Variants in BEND7 observed in about 807,000 individuals in gnomAD.
BEND7 encodes BEN domain-containing protein 7.
Under a neutral mutation model 50.9 loss-of-function variants are expected in BEND7, and 28 were observed. That is an observed-to-expected ratio of 0.55 (90% CI 0.41 to 0.75). The LOEUF is 0.75. Among genes scored for constraint, BEND7 ranks in the 30% least tolerant of loss-of-function variants. The pLI is 0.00. For missense variants in BEND7, 477 were observed against 491.3 expected, an observed-to-expected ratio of 0.97 and a Z score of 0.28; for synonymous variants, 170 against 183.9, an observed-to-expected ratio of 0.92 and a Z score of 0.61.
In BEND7 at chr10:13,441,457, G is replaced by GT; in HGVS notation, c.*285_*286insA. On this transcript the variant is annotated 3_prime_UTR_variant, in exon 9 of 9. Transcript: ENST00000466271. ...AGATCCGTTCATCGCACACATCTTTGGGTTGAACAAGCTCCACCCGTCCTC... is the reference window on the plus strand; with the variant it reads ...AGATCCGTTCATCGCACACATCTTTGTGGTTGAACAAGCTCCACCCGTCCTC... The GT allele has an allele frequency of 8.7e-7, 1 of 1,145,446 alleles. No individual in the cohort carries two copies. The highest frequency in any genetic ancestry group is 1.1e-6 in the Non-Finnish European group (1 of 944,640). The allele number at this position is 1,145,446 out of a possible 1,614,324, so 71.0% of individuals were successfully genotyped here.
chr10:13,478,308 G>A (rs2131664894), intron 6 of BEND7, among the ~76,000 whole-genome samples: 1 of 152,320 alleles, frequency 6.6e-6, no homozygotes, highest in East Asian at 1.9e-4. Context: ...AGATAAGGGA[G>A]TTCAGAGAGA....
In BEND7 at chr10:13,509,863, G is replaced by C. The variant is rs1266753530; in HGVS notation, c.146-9783C>G. ...TCAAAGTGACAGGAGATCAATGAAG[G>C]TTTTTGTAAGAGCGATAGGACACAG... On this transcript the variant is annotated intron_variant, in intron 2 of 8. Transcript: ENST00000466271. Among the ~76,000 whole-genome samples the C allele has an allele frequency of 2.0e-5, 3 of 152,182 alleles. No individual in the cohort carries two copies. In the East Asian group the frequency reaches 5.8e-4, roughly 29 times the overall value.
chr10:13,516,588 T>A (rs954135320), intron 2 of BEND7, among the ~76,000 whole-genome samples: 14 of 152,186 alleles, frequency 9.2e-5, no homozygotes, highest in Admixed American at 8.5e-4. Context: ...TAGCCAGGCG[T>A]GGTGGCACGT....
intron 6 of BEND7, among the ~76,000 whole-genome samples, chr10:13,473,369 T>C (rs2075093762): frequency 6.7e-6 from 1 of 150,068 alleles, no homozygotes; most frequent in Non-Finnish European, 1.5e-5. Context: ...GATATCGTCA[T>C]CGCTGTGAGA....
chr10:13,474,628 C>G (rs368814196), intron 6 of BEND7, among the ~76,000 whole-genome samples: 288 of 151,802 alleles, frequency 1.9e-3, no homozygotes, highest in Non-Finnish European at 2.8e-3. Context: ...CCCGTCATCG[C>G]TGTTGGACTC....
intron 7 of BEND7, among the ~76,000 whole-genome samples, chr10:13,447,695 C>T (rs1375984209): frequency 6.6e-6 from 1 of 151,946 alleles, no homozygotes; most frequent in African/African-American, 2.4e-5. Context: ...AGGCGCCCGC[C>T]ACCACGCCTG....
chr10:13,527,705 G>A (rs2079521054), intron 1 of BEND7: 1 of 346,450 alleles, frequency 2.9e-6, no homozygotes, highest in Non-Finnish European at 4.1e-6. Context: ...TTTCACGATG[G>A]CTCTTGAGTT....
At position 13,463,939 on chromosome 10, in the gene BEND7, G is replaced by A. The variant is rs569347229; in HGVS notation, c.1064-11281C>T. Among the ~76,000 whole-genome samples, 29 of 152,350 alleles carry A rather than the reference G, an allele frequency of 1.9e-4. 2 individuals carry two copies. The highest frequency in any genetic ancestry group is 1.6e-3 in the Admixed American group (25 of 15,306). On this transcript the variant is annotated intron_variant, in intron 6 of 8. Transcript: ENST00000466271. The stretch of plus-strand genomic sequence containing the variant: ...TAAATAATGACAAATAGGAAAGGAT[G>A]CAGAACTTCATTAGTGATCAGAGAT...
At chr10:13,453,009 TAA>T (rs1180597070) in intron 6 of BEND7, among the ~76,000 whole-genome samples, 4 of 152,230 alleles carry the variant, frequency 2.6e-5, no homozygotes, top group Non-Finnish European at 5.9e-5. Context: ...GCAAACGTAT[TAA>T]AAGAGTTCAC....
chr10:13,498,845 A>G (rs1434205647), intron 3 of BEND7, among the ~76,000 whole-genome samples: 1 of 152,132 alleles, frequency 6.6e-6, no homozygotes, highest in East Asian at 1.9e-4. Flanking sequence ...ACACCCATAC[A>G]TTTCTGGGGT....
At chr10:13,482,764 G>A (rs1252959285) in intron 5 of BEND7, among the ~76,000 whole-genome samples, 1 of 152,174 alleles carries the variant, frequency 6.6e-6, no homozygotes, top group Non-Finnish European at 1.5e-5. Context: ...CTTAACTTCT[G>A]CATCTTGCTG....
chr10:13,480,170 A>C (rs1254832618), intron 6 of BEND7, among the ~76,000 whole-genome samples: 2 of 152,230 alleles, frequency 1.3e-5, no homozygotes, highest in African/African-American at 2.4e-5. Context: ...AGTTACACTC[A>C]TCAGATTGCT....
At chr10:13,520,181 T>C (rs533608517) in intron 2 of BEND7, among the ~76,000 whole-genome samples, 9 of 152,030 alleles carry the variant, frequency 5.9e-5, no homozygotes, top group Non-Finnish European at 1.2e-4. Context: ...ATTTTTCTCA[T>C]ATAAAAGTAG....
At position 13,456,118 on chromosome 10, in the gene BEND7, C is replaced by T. The variant is rs547602604; in HGVS notation, c.1064-3460G>A. Among the ~76,000 whole-genome samples, 27 of 152,262 alleles carry T rather than the reference C, an allele frequency of 1.8e-4. No individual in the cohort carries two copies. The South Asian group carries it at 3.1e-3, about 18-fold the overall frequency. ...ACCGGGCATGAATGAACTCACCTCT[C>T]TACTCCTCCCCTATCCTTCACCCCC... On this transcript the variant is annotated intron_variant, in intron 6 of 8. Transcript: ENST00000466271.
rs2077142404 is a variant in BEND7, at chr10:13,497,972, C to T, written c.449-1084G>A. ...TTGTAGTGGTACAATTATTTACATT[C>T]AAAATTGTAGCAAAATTGTAATGTT... On this transcript the variant is annotated intron_variant, in intron 3 of 8. Coordinates refer to ENST00000466271, the MANE Select transcript of BEND7 (RefSeq NM_001369863.1). Among the ~76,000 whole-genome samples, 2 of 151,098 alleles carry T rather than the reference C, an allele frequency of 1.3e-5. 1 individual carries two copies. Among genetic ancestry groups the T allele is most frequent in the South Asian group, 4.2e-4 (2 of 4,776 alleles).
intron 2 of BEND7, among the ~76,000 whole-genome samples, chr10:13,513,141 G>T (rs116331621): frequency 3.3e-5 from 5 of 151,914 alleles, no homozygotes; most frequent in Non-Finnish European, 7.4e-5. Flanking sequence ...TCTTCTTATT[G>T]CTATTGTTAC....
At chr10:13,476,047 C>A (rs2075405315) in intron 6 of BEND7, among the ~76,000 whole-genome samples, 1 of 152,298 alleles carries the variant, frequency 6.6e-6, no homozygotes. Flanking sequence ...AATTCCACCC[C>A]AACCGTATTA....
chr10:13,439,779 G>T (rs1175968751), downstream of BEND7, among the ~76,000 whole-genome samples: 1 of 152,224 alleles, frequency 6.6e-6, no homozygotes, highest in Non-Finnish European at 1.5e-5. Flanking sequence ...CCCTGCTTCA[G>T]CCAGGCGGAT....
chr10:13,494,185 G>A (rs925309534), intron 4 of BEND7, among the ~76,000 whole-genome samples: 1 of 152,140 alleles, frequency 6.6e-6, no homozygotes, highest in Non-Finnish European at 1.5e-5. Flanking sequence ...TTGGGAGGCC[G>A]AGGTGGGCGG....
Sources: gnomAD v4.1 joint callset for allele counts (sites outside exome capture counted in the v4.1 genomes callset) on GRCh38, gnomAD v4.1.1 for gene constraint, MANE v1.5 for transcripts, NCBI Gene and HGNC (gene_info 2026-07-23, HGNC 2026-07-21) for gene names.